THSD7A: variants seen among roughly 807,000 people sequenced by gnomAD.
THSD7A encodes thrombospondin type 1 domain containing 7A.
Under a neutral mutation model 231.3 loss-of-function variants are expected in THSD7A, and 96 were observed. The ratio of observed to expected loss-of-function variants is 0.41; its 90% CI spans 0.35 to 0.49. The LOEUF is 0.49. THSD7A is among the 20% of genes least tolerant of loss of function. THSD7A has a pLI of 0.05. For missense variants in THSD7A, 2,290 were observed against 2,070.2 expected, an observed-to-expected ratio of 1.11 and a Z score of -2.06; for synonymous variants, 940 against 743.3, an observed-to-expected ratio of 1.26 and a Z score of -4.30.
rs968962103 is a variant in THSD7A at position 11,411,999 on chromosome 7, G to A, written c.3682+657C>T. 1.8e-4 allele frequency among the ~76,000 whole-genome samples: 28 copies of A among 152,018 alleles called. No homozygotes were observed. The highest frequency in any genetic ancestry group is 6.8e-4 in the African/African-American group (28 of 41,384). On this transcript the variant is annotated intron_variant, in intron 18 of 27. Coordinates refer to ENST00000423059, the MANE Select transcript of THSD7A (RefSeq NM_015204.3). The surrounding 1 kb of genome is among the most constrained non-coding windows in gnomAD (Gnocchi z 4.1). ...TATGTGTCATTGTACAGTTTCTTGA[G>A]TTTGTTGCAGAGTGAAAATTACTTG...
At chr7:11,459,665 A>ATTT (rs34415355) in intron 11 of THSD7A, among the ~76,000 whole-genome samples, 22 of 39,922 alleles carry the variant, frequency 5.5e-4, no homozygotes, top group Admixed American at 1.3e-3. Flanking sequence ...AAAACAGGGG[A>ATTT]TTTTTTTTTT....
At chr7:11,468,494 A>G (rs1024207632) in intron 9 of THSD7A, among the ~76,000 whole-genome samples, 2 of 152,178 alleles carry the variant, frequency 1.3e-5, no homozygotes, top group African/African-American at 2.4e-5. Context: ...GTTAATGCTT[A>G]TAACTCCTTT....
Position 11,379,161 on chromosome 7 carries a change from A to G in THSD7A, c.4710T>C (p.Asp1570=). Residue 1570 remains aspartate, a synonymous_variant, in exon 26 of 28, where the codon GAT becomes GAC. Transcript: ENST00000423059. ...VLPTMEDKRG[D]VKTSRAVHPT... is the part of the protein sequence containing the mutation. ...GATGTACAGCCCGACTGGTTTTCACATCTCCTCTTTTGTCCTCCATGGTGG... is the reference window on the plus strand; with the variant it reads ...GATGTACAGCCCGACTGGTTTTCACGTCTCCTCTTTTGTCCTCCATGGTGG... 2 of 1,613,706 alleles carry G rather than the reference A, an allele frequency of 1.2e-6. No homozygotes were observed. The highest frequency in any genetic ancestry group is 1.7e-6 in the Non-Finnish European group (2 of 1,179,716).
intron 1 of THSD7A, among the ~76,000 whole-genome samples, chr7:11,790,168 T>C (rs1783907873): frequency 6.6e-6 from 1 of 151,958 alleles, no homozygotes; most frequent in Non-Finnish European, 1.5e-5. Flanking sequence ...GCTGAAAGTG[T>C]TGAAAATCAA....
intron 1 of THSD7A, among the ~76,000 whole-genome samples, chr7:11,649,133 G>C (rs1200332190): frequency 1.3e-5 from 2 of 151,920 alleles, no homozygotes; most frequent in Admixed American, 1.3e-4. Flanking sequence ...CCCTCTCTTG[G>C]TTCATTCAGT....
chr7:11,706,689 G>C (rs1460860594), intron 1 of THSD7A, among the ~76,000 whole-genome samples: 2 of 103,748 alleles, frequency 1.9e-5, no homozygotes, highest in East Asian at 5.8e-4. Flanking sequence ...GAACACATTT[G>C]CTTCTTAAAT....
intron 4 of THSD7A, among the ~76,000 whole-genome samples, chr7:11,576,066 G>A (rs1386009644): frequency 1.3e-5 from 2 of 152,112 alleles, no homozygotes; most frequent in African/African-American, 2.4e-5. Context: ...GCTATTACAA[G>A]CTTAGAGCCA....
At chr7:11,402,084 AT>A (rs1289752573) in intron 22 of THSD7A, 116 bp from the exon 23 acceptor site, 9 of 733,018 alleles carry the variant, frequency 1.2e-5, no homozygotes, top group Non-Finnish European at 1.8e-5. Context: ...CACACATAAT[AT>A]TTATAAGATT....
chr7:11,715,312 A>C (rs532403345), intron 1 of THSD7A, among the ~76,000 whole-genome samples: 6 of 151,632 alleles, frequency 4.0e-5, no homozygotes, highest in South Asian at 2.1e-4. Flanking sequence ...TTATACATGG[A>C]AGACTATTCT....
rs1183234806 is a variant in THSD7A at position 11,832,091 on chromosome 7, C to G, written c.-145G>C. On this transcript the variant is annotated 5_prime_UTR_variant, in exon 1 of 28. Coordinates refer to ENST00000423059, the MANE Select transcript of THSD7A (RefSeq NM_015204.3). ...CTTCAGATGAGAAGGAGGGAGAGCGCGTCTAACACCAGGGAACAATAGCGT... is the reference window on the plus strand; with the variant it reads ...CTTCAGATGAGAAGGAGGGAGAGCGGGTCTAACACCAGGGAACAATAGCGT... 16 of 504,476 alleles carry G rather than the reference C, an allele frequency of 3.2e-5. No individual in the cohort carries two copies. The highest frequency in any genetic ancestry group is 4.7e-5 in the Non-Finnish European group (16 of 337,736). 31.2% of individuals were successfully genotyped at this position (504,476 alleles called of 1,614,324 possible). A position where few individuals can be genotyped will look rare whatever the true frequency, so the allele number is the denominator to read the frequency against.
At position 11,748,988 on chromosome 7, in the gene THSD7A, G is replaced by A. The variant is rs371554496; in HGVS notation, c.190+82769C>T. Among the ~76,000 whole-genome samples, 15 of 152,048 alleles carry A rather than the reference G, an allele frequency of 9.9e-5. No homozygotes were observed. In the East Asian group the frequency reaches 2.9e-3, roughly 30 times the overall value. On this transcript the variant is annotated intron_variant, in intron 1 of 27. Coordinates refer to ENST00000423059, the MANE Select transcript of THSD7A (RefSeq NM_015204.3). The stretch of plus-strand genomic sequence containing the variant: ...TTCCAGCTGAGCGGGGAGGGGAGCA[G>A]CTCCTCTGAGAGAGTGTCACCCCAA...
chr7:11,704,338 G>T (rs1467962640), intron 1 of THSD7A, among the ~76,000 whole-genome samples: 1 of 150,852 alleles, frequency 6.6e-6, no homozygotes. Flanking sequence ...ATATACTTTG[G>T]TATATATACT....
chr7:11,552,084 C>T (rs1254774943), intron 4 of THSD7A, among the ~76,000 whole-genome samples: 1 of 152,078 alleles, frequency 6.6e-6, no homozygotes, highest in Non-Finnish European at 1.5e-5. Flanking sequence ...CCAAATACTG[C>T]ATGTTCTCAC....
intron 1 of THSD7A, among the ~76,000 whole-genome samples, chr7:11,803,905 CACAGTAT>C (rs1268851603): frequency 6.6e-6 from 1 of 152,076 alleles, no homozygotes; most frequent in Non-Finnish European, 1.5e-5. Flanking sequence ...TCACACATCA[CACAGTAT>C]ACATTACAAT....
chr7:11,692,044 T>TC (rs1780249269), intron 1 of THSD7A, among the ~76,000 whole-genome samples: 1 of 151,524 alleles, frequency 6.6e-6, no homozygotes. Context: ...GCCACAAGTG[T>TC]CAAGCCAAAC....
chr7:11,538,558 G>A (rs560060071), intron 6 of THSD7A, among the ~76,000 whole-genome samples: 20 of 152,192 alleles, frequency 1.3e-4, no homozygotes, highest in South Asian at 1.0e-3. Flanking sequence ...AAAATAGGGC[G>A]GGTTTTGGGT....
intron 1 of THSD7A, among the ~76,000 whole-genome samples, chr7:11,669,774 A>G (rs985023550): frequency 6.6e-6 from 1 of 152,136 alleles, no homozygotes; most frequent in Non-Finnish European, 1.5e-5. Context: ...TTTCTTATCA[A>G]TATAATTCCA....
At chr7:11,455,572 C>A (rs535087306) in intron 11 of THSD7A, among the ~76,000 whole-genome samples, 1 of 151,940 alleles carries the variant, frequency 6.6e-6, no homozygotes, top group Non-Finnish European at 1.5e-5. Context: ...TTCCTATGTG[C>A]TTTTCAAACT....
intron 4 of THSD7A, among the ~76,000 whole-genome samples, chr7:11,568,830 A>C (rs1790492687): frequency 6.6e-6 from 1 of 151,780 alleles, no homozygotes; most frequent in African/African-American, 2.4e-5. Flanking sequence ...AAAAGCCTGA[A>C]GTTTCCACCA....
Sources: gnomAD v4.1 joint callset for allele counts (sites outside exome capture counted in the v4.1 genomes callset) on GRCh38, gnomAD v4.1.1 for gene constraint, Gnocchi (gnomAD v3.1) non-coding constraint, MANE v1.5 for transcripts, NCBI Gene and HGNC (gene_info 2026-07-23, HGNC 2026-07-21) for gene names.